DPP6: variants seen among roughly 807,000 people sequenced by gnomAD.
The protein encoded by DPP6 is A-type potassium channel modulatory protein DPP6.
Under a neutral mutation model 122.6 loss-of-function variants are expected in DPP6, and 69 were observed. The ratio of observed to expected loss-of-function variants is 0.56; its 90% confidence interval spans 0.46 to 0.69. The LOEUF (loss-of-function observed/expected upper bound fraction) is 0.69, where lower values mean the gene tolerates loss of function less well. Among genes scored for constraint, DPP6 ranks in the 30% least tolerant of loss-of-function variants. The probability of loss-of-function intolerance (pLI) is 0.00; values close to 1 mark genes in which losing one functional copy is unlikely to be tolerated. For synonymous variants in DPP6, 418 were observed against 433.1 expected, an observed-to-expected ratio of 0.97 and a Z score of 0.43; for missense variants, 928 against 1,116.9, an observed-to-expected ratio of 0.83 and a Z score of 2.41.
intron 7 of DPP6, among the ~76,000 whole-genome samples, chr7:154,681,672 G>T (rs1839289685): frequency 6.6e-6 from 1 of 152,192 alleles, no homozygotes; most frequent in Non-Finnish European, 1.5e-5. Context: ...TTACTTTGTG[G>T]AATTCTCCCG....
chr7:153,860,444 T>G, the DPP6 span, among the ~76,000 whole-genome samples: 5,463 of 152,184 alleles, frequency 0.036, 142 homozygotes, highest in Middle Eastern at 0.068. Flanking sequence ...CCAGAGCGTT[T>G]GCACCCAACT....
intron 7 of DPP6, among the ~76,000 whole-genome samples, chr7:154,709,161 C>T (rs1340419262): frequency 1.3e-5 from 2 of 152,172 alleles, no homozygotes; most frequent in Non-Finnish European, 1.5e-5. Flanking sequence ...CCTACCAACA[C>T]ACATACATCT....
chr7:154,703,640 A>T (rs12112547), intron 7 of DPP6, among the ~76,000 whole-genome samples: 1 of 150,978 alleles, frequency 6.6e-6, no homozygotes, highest in African/African-American at 2.4e-5. Context: ...AAAAAAGAAA[A>T]GAAATACATT....
chr7:153,774,575 G>C, the DPP6 span, among the ~76,000 whole-genome samples: 2 of 152,122 alleles, frequency 1.3e-5, no homozygotes, highest in Admixed American at 1.3e-4. Context: ...GTGACCTAAG[G>C]TTATCAATTA....
intron 16 of DPP6, among the ~76,000 whole-genome samples, chr7:154,834,232 C>G (rs548502996): frequency 6.6e-6 from 1 of 151,312 alleles, no homozygotes; most frequent in East Asian, 2.0e-4. Flanking sequence ...CTTTGGGAGG[C>G]CGAGGCAGGC....
chr7:154,867,917 C>G, intron 17 of DPP6, 78 bp from the exon 18 acceptor site: 1 of 1,468,928 alleles, frequency 6.8e-7, no homozygotes. Flanking sequence ...CAGTTACGCA[C>G]ATGAAAAGCC....
chr7:154,667,020 A>T (rs1015623893), intron 6 of DPP6, among the ~76,000 whole-genome samples: 3 of 152,080 alleles, frequency 2.0e-5, no homozygotes, highest in Admixed American at 6.5e-5. Flanking sequence ...TTCTTTTTCC[A>T]AGTCTCATAG....
At chr7:153,899,376 C>T (rs1212678469) in intron 1 of DPP6, among the ~76,000 whole-genome samples, 1 of 152,158 alleles carries the variant, frequency 6.6e-6, no homozygotes, top group African/African-American at 2.4e-5. Context: ...TAATCTCAGG[C>T]TGAAGGAAAT....
At chr7:154,328,024 G>A (rs1808599439) in intron 1 of DPP6, among the ~76,000 whole-genome samples, 1 of 152,174 alleles carries the variant, frequency 6.6e-6, no homozygotes, top group Non-Finnish European at 1.5e-5. Context: ...GACCCCTCTG[G>A]TGGAGGTGGT....
At position 154,816,164 on chromosome 7, in the gene DPP6, A is replaced by T. The variant is rs184819781; in HGVS notation, c.1666+9052A>T. ...AATCCTCCACACCCTCATCCTGAAA[A>T]TCGGAGGAATAACAGTATGGCAGTC... On this transcript the variant is annotated intron_variant, in intron 16 of 25. Coordinates refer to ENST00000377770, the MANE Select transcript of DPP6 (RefSeq NM_130797.4). 1.6e-4 allele frequency among the ~76,000 whole-genome samples: 25 copies of T among 152,270 alleles called. No homozygotes were observed. In the East Asian group the frequency reaches 2.1e-3, roughly 13 times the overall value.
intron 1 of DPP6, among the ~76,000 whole-genome samples, chr7:154,267,250 G>A (rs1406641470): frequency 6.7e-6 from 1 of 149,998 alleles, no homozygotes; most frequent in Non-Finnish European, 1.5e-5. Flanking sequence ...TTTTCATTTT[G>A]AATACTTAAA....
At chr7:154,105,216 C>A (rs1245403479) in intron 1 of DPP6, among the ~76,000 whole-genome samples, 1 of 152,188 alleles carries the variant, frequency 6.6e-6, no homozygotes, top group Non-Finnish European at 1.5e-5. Flanking sequence ...GTATTTGTGT[C>A]AAAGAAGGCA....
intron 7 of DPP6, among the ~76,000 whole-genome samples, chr7:154,705,535 G>C (rs1171953568): frequency 6.6e-6 from 1 of 152,190 alleles, no homozygotes; most frequent in Non-Finnish European, 1.5e-5. Context: ...AGACTCTGAA[G>C]CTCCAGGAAA....
intron 5 of DPP6, among the ~76,000 whole-genome samples, chr7:154,595,414 C>T (rs921011176): frequency 6.6e-6 from 1 of 152,098 alleles, no homozygotes; most frequent in Admixed American, 6.5e-5. Flanking sequence ...CTTGGGCTTC[C>T]ATTTTGCCAT....
chr7:153,948,731 G>C (rs1055383975), intron 1 of DPP6, among the ~76,000 whole-genome samples: 1 of 147,190 alleles, frequency 6.8e-6, no homozygotes, highest in Non-Finnish European at 1.5e-5. Flanking sequence ...CTATAATATA[G>C]ACTACCTTCC....
intron 1 of DPP6, among the ~76,000 whole-genome samples, chr7:153,923,384 G>A (rs1800732558): frequency 6.6e-6 from 1 of 152,214 alleles, no homozygotes; most frequent in South Asian, 2.1e-4. Flanking sequence ...GGAACTTGCA[G>A]ACAACCATGT....
At chr7:153,904,240 C>T (rs148511183) in intron 1 of DPP6, among the ~76,000 whole-genome samples, 4,782 of 152,102 alleles carry the variant, frequency 0.031, 106 homozygotes, top group East Asian at 0.11. Context: ...TTAGTAAAGA[C>T]GGGGTTTCAC....
intron 6 of DPP6, among the ~76,000 whole-genome samples, chr7:154,666,202 C>T (rs867344177): frequency 2.3e-5 from 3 of 128,586 alleles, no homozygotes; most frequent in East Asian, 2.0e-4. Context: ...TATATATATA[C>T]ACATATACAT....
At chr7:154,160,475 A>C (rs1416909712) in intron 1 of DPP6, among the ~76,000 whole-genome samples, 1 of 152,222 alleles carries the variant, frequency 6.6e-6, no homozygotes, top group African/African-American at 2.4e-5. Context: ...ATGAGCAGGA[A>C]GTGCTTGTGT....
Sources: gnomAD v4.1 joint callset for allele counts (sites outside exome capture counted in the v4.1 genomes callset) on GRCh38, gnomAD v4.1.1 for gene constraint, MANE v1.5 for transcripts, NCBI Gene and HGNC (gene_info 2026-07-23, HGNC 2026-07-21) for gene names.